HIF1A: variants seen among roughly 807,000 people sequenced by gnomAD.
The protein encoded by HIF1A is hypoxia-inducible factor 1-alpha.
A neutral mutation model predicts 92.7 loss-of-function variants in HIF1A; 24 were observed. The ratio of observed to expected loss-of-function variants is 0.26; its 90% CI spans 0.19 to 0.36. The LOEUF (loss-of-function observed/expected upper bound fraction) is 0.36. Among genes scored for constraint, HIF1A ranks in the 10% least tolerant of loss-of-function variants. HIF1A has a pLI of 1.00. For synonymous variants in HIF1A, 319 were observed against 338.7 expected (o/e 0.94, Z 0.64); for missense variants, 799 against 998.5 (o/e 0.80, Z 2.69).
chr14:61,710,915 C>G (rs561583718), intron 1 of HIF1A, among the ~76,000 whole-genome samples: 1 of 151,984 alleles, frequency 6.6e-6, no homozygotes, highest in Non-Finnish European at 1.5e-5. Context: ...AAAAAATTAG[C>G]CGGGTGTGGT....
At chr14:61,733,759 G>A (rs1309812837) in intron 7 of HIF1A, among the ~76,000 whole-genome samples, 1 of 152,066 alleles carries the variant, frequency 6.6e-6, no homozygotes, top group Non-Finnish European at 1.5e-5. Flanking sequence ...AAGCATCTTT[G>A]GTTCTCTGGA....
chr14:61,724,349 T>TTCTCTCCCTC (rs2044472677), intron 4 of HIF1A, among the ~76,000 whole-genome samples: 1 of 96,096 alleles, frequency 1.0e-5, no homozygotes, highest in Non-Finnish European at 2.1e-5. Context: ...CACACACACA[T>TTCTCTCCCTC]TCTCTCTCTC....
At chr14:61,718,954 A>G (rs112519515) in intron 1 of HIF1A, among the ~76,000 whole-genome samples, 1,727 of 152,316 alleles carry the variant, frequency 0.011, 34 homozygotes, top group African/African-American at 0.038. Context: ...AGTCCTATAA[A>G]CACACAAACT....
chr14:61,725,848 C>A (rs1594874159), intron 4 of HIF1A, among the ~76,000 whole-genome samples: 1 of 149,760 alleles, frequency 6.7e-6, no homozygotes, highest in African/African-American at 2.5e-5. Flanking sequence ...GAGATGGATT[C>A]TCGCTCTATA....
At chr14:61,711,176 A>T (rs1281767867) in intron 1 of HIF1A, among the ~76,000 whole-genome samples, 1 of 151,776 alleles carries the variant, frequency 6.6e-6, no homozygotes, top group Non-Finnish European at 1.5e-5. Flanking sequence ...GGTTCGGAAA[A>T]CATAAAGATG....
intron 14 of HIF1A, among the ~76,000 whole-genome samples, chr14:61,746,392 C>CTTTTTTTTTTTTTT (rs754879947): frequency 3.4e-4 from 17 of 49,492 alleles, no homozygotes; most frequent in African/African-American, 8.5e-4. Flanking sequence ...TTTATGACTT[C>CTTTTTTTTTTTTTT]TTTTTTTTTT....
intron 12 of HIF1A, among the ~76,000 whole-genome samples, chr14:61,743,842 G>C (rs898812047): frequency 3.9e-5 from 6 of 152,190 alleles, no homozygotes; most frequent in Non-Finnish European, 7.3e-5. Flanking sequence ...AGCATAGTGG[G>C]AAGAGCAGGG....
At chr14:61,736,789 C>T (rs1410873064) in intron 8 of HIF1A, 100 bp from the exon 9 acceptor site, 30 of 749,158 alleles carry the variant, frequency 4.0e-5, no homozygotes, top group Non-Finnish European at 6.3e-5. Flanking sequence ...ATGTTCCTGT[C>T]CATAAAGCAG....
At chr14:61,724,430 A>G (rs988646022) in intron 4 of HIF1A, among the ~76,000 whole-genome samples, 1 of 133,086 alleles carries the variant, frequency 7.5e-6, no homozygotes, top group African/African-American at 2.8e-5. Context: ...CTCTCATGGC[A>G]TCTTTTAAAA....
In HIF1A at chr14:61,740,834, T is replaced by C. The variant is rs367738310; in HGVS notation, c.1739T>C (p.Leu580Ser). 1.2e-6 allele frequency: 2 copies of C among 1,614,128 alleles called. No homozygotes were observed. Among genetic ancestry groups the C allele is most frequent in the Non-Finnish European group, 1.7e-6 (2 of 1,179,968 alleles). The change falls in exon 12 of 15, where the codon TTG becomes TCG. Residue 580 changes from leucine to serine, a missense_variant. Leu to Ser is a moderately radical substitution (Grantham distance 145). Around this residue, in one of 2 missense-constraint regions of HIF1A, gnomAD observed 516 missense variants for 721.0 expected, o/e 0.72. Transcript: ENST00000337138. ...TTCCAGTTACGTTCCTTCGATCAGT[T>C]GTCACCATTAGAAAGCAGTTCCGCA... ...DDFQLRSFDQ[L>S]SPLESSSASP...
chr14:61,721,591 C>T lies in HIF1A; in HGVS notation c.309C>T (p.Leu103=), dbSNP rs747610050. 10 of 1,613,008 alleles carry T rather than the reference C, an allele frequency of 6.2e-6. No individual in the cohort carries two copies. In the East Asian group the frequency reaches 2.2e-4, roughly 36 times the overall value. The change falls in exon 3 of 15, where the codon CTC becomes CTT. Residue 103 remains leucine, a synonymous_variant. Coordinates refer to ENST00000337138, the MANE Select transcript of HIF1A (RefSeq NM_001530.4). ...CCTTGGATGGTTTTGTTATGGTTCT[C>T]ACAGATGATGGTGACATGATTTACA... ...LKALDGFVMV[L]TDDGDMIYIS...
Position 61,744,742 on chromosome 14 carries a change from C to G in HIF1A, c.2131C>G (p.Leu711Val). 2 of 1,594,244 alleles carry G rather than the reference C, an allele frequency of 1.3e-6. No homozygotes were observed. Among genetic ancestry groups the G allele is most frequent in the Non-Finnish European group, 1.7e-6 (2 of 1,164,880 alleles). ...VPEEELNPKI[L>V]ALQNAQRKRK... ...TGAGGAAGAACTAAATCCAAAGATA[C>G]TAGCTTTGCAGAATGCTCAGAGAAA... The change falls in exon 13 of 15, where the codon CTA (leucine) becomes GTA (valine). Residue 711 changes from leucine (L) to valine (V), a missense_variant. Leu to Val is a conservative substitution (Grantham distance 32). Coordinates refer to ENST00000337138, the MANE Select transcript of HIF1A (RefSeq NM_001530.4).
At chr14:61,702,667 T>C (rs1215605684) in intron 1 of HIF1A, among the ~76,000 whole-genome samples, 1 of 152,120 alleles carries the variant, frequency 6.6e-6, no homozygotes. Flanking sequence ...TAAATAGGAG[T>C]TCCCTGAGTG....
chr14:61,730,831 T>A (rs2044568000), intron 6 of HIF1A, among the ~76,000 whole-genome samples: 1 of 152,238 alleles, frequency 6.6e-6, no homozygotes, highest in African/African-American at 2.4e-5. Flanking sequence ...AAAAAGTTTT[T>A]AATTCCATGG....
At chr14:61,722,797 A>G (rs1207358646) in intron 4 of HIF1A, among the ~76,000 whole-genome samples, 1 of 152,252 alleles carries the variant, frequency 6.6e-6, no homozygotes, top group Admixed American at 6.5e-5. Flanking sequence ...TAAGACCTCT[A>G]ATTCTTAGGA....
At chr14:61,710,961 C>T (rs922005787) in intron 1 of HIF1A, among the ~76,000 whole-genome samples, 1 of 149,894 alleles carries the variant, frequency 6.7e-6, no homozygotes, top group Non-Finnish European at 1.5e-5. Flanking sequence ...TCAGGAAAAT[C>T]GCTTGAACCT....
In HIF1A at chr14:61,732,423, C is replaced by A. The variant is rs755243230; in HGVS notation, c.779C>A (p.Thr260Asn). The A allele has an allele frequency of 6.3e-7, 1 of 1,593,612 alleles. No individual in the cohort carries two copies. The highest frequency in any genetic ancestry group is 2.2e-5 in the East Asian group (1 of 44,698). Residue 260 changes from threonine (T) to asparagine (N), a missense_variant, in exon 7 of 15, where the codon ACC (threonine) becomes AAC (asparagine). Thr to Asn is a moderately conservative substitution (Grantham distance 65). Coordinates refer to ENST00000337138, the MANE Select transcript of HIF1A (RefSeq NM_001530.4). ...CTTGTATTTTTTACTAACAGAATTA[C>A]CGAATTGATGGGATATGAGCCAGAA... ...MKFSYCDERI[T>N]ELMGYEPEEL...
At chr14:61,724,350 T>TCTCTCTCTCTCTCTCTCC (rs1491361113) in intron 4 of HIF1A, among the ~76,000 whole-genome samples, 2 of 20,870 alleles carry the variant, frequency 9.6e-5, no homozygotes, top group Non-Finnish European at 2.0e-4. Flanking sequence ...ACACACACAT[T>TCTCTCTCTCTCTCTCTCC]CTCTCTCTCT....
rs113070831 is a variant in HIF1A, at chr14:61,729,367, TAGG to T, written c.773+1715_773+1717del. Among the ~76,000 whole-genome samples the T allele has an allele frequency of 2.3e-3, 349 of 150,712 alleles. 2 individuals carry two copies. Among genetic ancestry groups the T allele is most frequent in the African/African-American group, 7.8e-3 (320 of 41,216 alleles). ...ATCCCAGCTACTTGGGAGGCTGAGG[TAGG>T]AGAATTGCTTGAATCCAGGAGGCGG... On this transcript the variant is annotated intron_variant, in intron 6 of 14. Coordinates refer to ENST00000337138, the MANE Select transcript of HIF1A (RefSeq NM_001530.4).
Sources: allele counts gnomAD v4.1 joint callset (sites outside exome capture counted in the v4.1 genomes callset), GRCh38; gene constraint gnomAD v4.1.1; regional missense constraint gnomAD v4.1.1; transcripts MANE v1.5; gene names NCBI Gene and HGNC (gene_info 2026-07-23, HGNC 2026-07-21).